Variants in AQP7B observed in about 807,000 individuals in gnomAD.
AQP7B encodes the protein putative aquaporin-7B.
the AQP7B span, among the ~76,000 whole-genome samples, chr2:94,595,343 G>C: frequency 2.9e-4 from 44 of 152,086 alleles, 1 homozygote. Flanking sequence ...GCTGAGGCAG[G>C]AGAATCACTT....
chr2:94,588,399 C>G, the AQP7B span: 1 of 614,816 alleles, frequency 1.6e-6, no homozygotes, highest in Non-Finnish European at 2.9e-6. Context: ...CTAGCAGGAG[C>G]TGCCCCAGGG....
chr2:94,603,532 CT>C, the AQP7B span: 1 of 1,585,258 alleles, frequency 6.3e-7, no homozygotes, highest in African/African-American at 1.3e-5. Context: ...ACCCCTCCCC[CT>C]GCCCTCCACC....
At chr2:94,593,480 CTTTT>C in the AQP7B span, among the ~76,000 whole-genome samples, 23 of 113,944 alleles carry the variant, frequency 2.0e-4, no homozygotes, top group Admixed American at 5.8e-4. Flanking sequence ...TCCTCTTCCT[CTTTT>C]TTTTTTTTTT....
chr2:94,592,058 G>T, the AQP7B span, among the ~76,000 whole-genome samples: 5 of 152,292 alleles, frequency 3.3e-5, no homozygotes, highest in Middle Eastern at 6.8e-3. Flanking sequence ...GTTATCTGTT[G>T]CTTACTGTGT....
chr2:94,604,213 G>A, the AQP7B span: 1 of 1,431,024 alleles, frequency 7.0e-7, no homozygotes, highest in East Asian at 2.3e-5. Flanking sequence ...TGCTCAACCA[G>A]TCTTCGCCCA....
At chr2:94,601,088 G>A in the AQP7B span, among the ~76,000 whole-genome samples, 7 of 152,242 alleles carry the variant, frequency 4.6e-5, no homozygotes, top group South Asian at 8.3e-4. Flanking sequence ...GCACAAGAAA[G>A]CAAGGCATGC....
At chr2:94,601,322 A>G in the AQP7B span, among the ~76,000 whole-genome samples, 2 of 152,358 alleles carry the variant, frequency 1.3e-5, no homozygotes, top group East Asian at 3.9e-4. Flanking sequence ...ACATAGAGTG[A>G]GGAGCAGGTG....
At chr2:94,600,909 C>A in the AQP7B span, among the ~76,000 whole-genome samples, 16 of 151,480 alleles carry the variant, frequency 1.1e-4, no homozygotes, top group African/African-American at 3.9e-4. Flanking sequence ...GGCTGCGTGC[C>A]GAGGCACATG....
the AQP7B span, among the ~76,000 whole-genome samples, chr2:94,595,745 C>G: frequency 6.6e-6 from 1 of 152,056 alleles, no homozygotes; most frequent in Non-Finnish European, 1.5e-5. Flanking sequence ...ATCGGGGAGA[C>G]TCTGCCAGCA....
chr2:94,600,032 C>T, the AQP7B span, among the ~76,000 whole-genome samples: 1 of 152,176 alleles, frequency 6.6e-6, no homozygotes. Flanking sequence ...GCAAGCACCA[C>T]CACGCCTGGC....
At chr2:94,604,524 T>C in the AQP7B span, 3 of 1,610,100 alleles carry the variant, frequency 1.9e-6, no homozygotes, top group East Asian at 2.2e-5. Flanking sequence ...AGATCTTCAG[T>C]CCACTCTGCC....
chr2:94,594,817 G>A, the AQP7B span: 17 of 1,564,660 alleles, frequency 1.1e-5, no homozygotes, highest in Non-Finnish European at 1.4e-5. Flanking sequence ...CGAGGAAGAT[G>A]AGAGGAAGAT....
At chr2:94,595,481 C>T in the AQP7B span, among the ~76,000 whole-genome samples, 37 of 151,720 alleles carry the variant, frequency 2.4e-4, no homozygotes, top group African/African-American at 8.5e-4. Context: ...TGAAGAGAAA[C>T]TTGATGATTG....
the AQP7B span, among the ~76,000 whole-genome samples, chr2:94,600,218 C>T: frequency 2.6e-5 from 4 of 152,306 alleles, no homozygotes; most frequent in South Asian, 2.1e-4. Context: ...TCTCCTCTGA[C>T]GGCTTTGACT....
At chr2:94,604,454 A>C in the AQP7B span, 1 of 1,611,346 alleles carries the variant, frequency 6.2e-7, no homozygotes. Context: ...ATTGCCCAAG[A>C]TGGGATCTCA....
the AQP7B span, among the ~76,000 whole-genome samples, chr2:94,588,043 C>T: frequency 1.3e-5 from 2 of 151,962 alleles, no homozygotes; most frequent in Admixed American, 6.6e-5. Flanking sequence ...TTCAGGGCCT[C>T]ATCCTGTGTG....
At chr2:94,603,740 G>C in the AQP7B span, 1 of 1,513,910 alleles carries the variant, frequency 6.6e-7, no homozygotes, top group South Asian at 1.3e-5. Flanking sequence ...CTCCAGCTGT[G>C]TCTCTTCACC....
the AQP7B span, among the ~76,000 whole-genome samples, chr2:94,590,412 T>C: frequency 6.6e-6 from 1 of 152,054 alleles, no homozygotes; most frequent in African/African-American, 2.4e-5. Context: ...GGTCTTGAAC[T>C]CCTGACCTCA....
the AQP7B span, chr2:94,603,670 G>A: frequency 6.0e-6 from 8 of 1,338,188 alleles, no homozygotes; most frequent in South Asian, 5.8e-5. Context: ...CCTGTGGCTT[G>A]GGGAGGGGCC....
Sources: gnomAD v4.1 joint callset for allele counts (sites outside exome capture counted in the v4.1 genomes callset) on GRCh38, gnomAD v4.1.1 for gene constraint, MANE v1.5 for transcripts, NCBI Gene and HGNC (gene_info 2026-07-23, HGNC 2026-07-21) for gene names.